LIPC: variants seen among roughly 807,000 people sequenced by gnomAD.
LIPC encodes the protein hepatic triacylglycerol lipase.
A neutral mutation model predicts 50.7 loss-of-function variants in LIPC; 44 were observed. That is an observed-to-expected ratio of 0.87 (90% CI 0.68 to 1.11). The LOEUF (loss-of-function observed/expected upper bound fraction) is 1.11. Among genes scored for constraint, LIPC ranks in the 50% most tolerant of loss-of-function variants. LIPC has a pLI of 0.00. For missense variants in LIPC, 697 were observed against 648.2 expected (o/e 1.08, Z -0.82); for synonymous variants, 271 against 256.4 (o/e 1.06, Z -0.54).
chr15:58,460,335 G>T (rs1313067139), intron 1 of LIPC, among the ~76,000 whole-genome samples: 1 of 152,244 alleles, frequency 6.6e-6, no homozygotes, highest in Non-Finnish European at 1.5e-5. Context: ...CATGGTGAGA[G>T]GAAAGGCTGG....
At position 58,563,264 on chromosome 15, in the gene LIPC, GC is replaced by G. The variant is rs145482805; in HGVS notation, c.1170-239del. Among the ~76,000 whole-genome samples the G allele has an allele frequency of 0.011, 1,697 of 152,286 alleles. 34 individuals carry two copies. Among genetic ancestry groups the G allele is most frequent in the African/African-American group, 0.039 (1,616 of 41,544 alleles). On this transcript the variant is annotated intron_variant, in intron 7 of 8. Coordinates refer to ENST00000299022, the MANE Select transcript of LIPC (RefSeq NM_000236.3). ...ATTTGTTATAGTGGGACTTCTCGGA[GC>G]CTTTTTGATGTGTTAACCAGAAAAT...
intron 1 of LIPC, among the ~76,000 whole-genome samples, chr15:58,526,491 C>T (rs1479755494): frequency 6.6e-6 from 1 of 152,192 alleles, no homozygotes; most frequent in African/African-American, 2.4e-5. Context: ...CAGTAGATTT[C>T]TCTTGCCCAG....
chr15:58,530,214 G>C (rs1366552658), intron 1 of LIPC, among the ~76,000 whole-genome samples: 6 of 152,218 alleles, frequency 3.9e-5, no homozygotes, highest in Non-Finnish European at 5.9e-5. Context: ...CCTCCACAGG[G>C]TAGTCCCCAG....
chr15:58,483,844 G>A (rs1462463871), intron 1 of LIPC, among the ~76,000 whole-genome samples: 2 of 152,004 alleles, frequency 1.3e-5, no homozygotes, highest in Admixed American at 6.6e-5. Flanking sequence ...TTATTCTCTG[G>A]GAGATTTGAC....
chr15:58,538,240 G>A (rs1226429523), intron 1 of LIPC, 93 bp from the exon 2 acceptor site: 20 of 1,209,402 alleles, frequency 1.7e-5, no homozygotes, highest in Non-Finnish European at 2.1e-5. Flanking sequence ...TAACCTCTTT[G>A]GCTTGTGCTT....
At chr15:58,490,455 C>G (rs1891548296) in intron 1 of LIPC, among the ~76,000 whole-genome samples, 1 of 152,156 alleles carries the variant, frequency 6.6e-6, no homozygotes, top group Non-Finnish European at 1.5e-5. Flanking sequence ...ACGGCATCAC[C>G]AACATTTGGC....
chr15:58,522,168 C>G (rs1968682), intron 1 of LIPC: 94,750 of 152,224 alleles, frequency 0.62, 31,479 homozygotes, highest in East Asian at 0.76. Context: ...GTGAGGATCC[C>G]TTCTCTTTGA....
At chr15:58,459,437 T>C (rs1894258752) in intron 1 of LIPC, among the ~76,000 whole-genome samples, 1 of 149,500 alleles carries the variant, frequency 6.7e-6, no homozygotes, top group Admixed American at 6.8e-5. Context: ...GAGCTCACAA[T>C]AAATAAATAA....
intron 1 of LIPC, among the ~76,000 whole-genome samples, chr15:58,439,161 T>C (rs1893417810): frequency 6.6e-6 from 1 of 152,168 alleles, no homozygotes; most frequent in Non-Finnish European, 1.5e-5. Context: ...CAGGCCTCAT[T>C]GTGTGTGTCC....
intron 1 of LIPC, among the ~76,000 whole-genome samples, chr15:58,456,857 T>C (rs1476963447): frequency 1.3e-5 from 2 of 152,246 alleles, no homozygotes; most frequent in African/African-American, 4.8e-5. Context: ...TACTTTACCA[T>C]GCGTAGAATG....
intron 1 of LIPC, among the ~76,000 whole-genome samples, chr15:58,466,315 T>C (rs1294018894): frequency 1.3e-5 from 2 of 152,088 alleles, no homozygotes; most frequent in African/African-American, 4.8e-5. Flanking sequence ...TTCTGGAAAT[T>C]CCCCCACACT....
Position 58,568,763 on chromosome 15 carries a change from C to G in LIPC, c.1436C>G (p.Thr479Ser), listed in dbSNP as rs1214184027. ...ENTDDLLLRP[T>S]QEKIFVKCEI... ...ACAGATGACCTACTACTTCGCCCAACCCAGGAAAAAATCTTCGTGAAATGT... is the reference window on the plus strand; with the variant it reads ...ACAGATGACCTACTACTTCGCCCAAGCCAGGAAAAAATCTTCGTGAAATGT... Residue 479 changes from threonine to serine, a missense_variant, in exon 9 of 9, where the codon ACC becomes AGC. Coordinates refer to ENST00000299022, the MANE Select transcript of LIPC (RefSeq NM_000236.3). 3 of 1,612,138 alleles carry G rather than the reference C, an allele frequency of 1.9e-6. No individual in the cohort carries two copies. Among genetic ancestry groups the G allele is most frequent in the Non-Finnish European group, 2.5e-6 (3 of 1,178,800 alleles).
chr15:58,563,846 A>G, intron 8 of LIPC, 123 bp downstream of exon 8: 1 of 838,716 alleles, frequency 1.2e-6, no homozygotes, highest in Non-Finnish European at 2.0e-6. Flanking sequence ...GTGATGGAGT[A>G]CAGAAGCTCA....
intron 1 of LIPC, among the ~76,000 whole-genome samples, chr15:58,489,228 G>T (rs1487605528): frequency 2.9e-5 from 3 of 103,464 alleles, no homozygotes; most frequent in Non-Finnish European, 4.2e-5. Context: ...GGGGGCGGGG[G>T]GGCGGCTTAC....
chr15:58,494,976 C>T (rs1891717021), intron 1 of LIPC: 1 of 426,558 alleles, frequency 2.3e-6, no homozygotes, highest in Non-Finnish European at 4.7e-6. Flanking sequence ...TGTCATTGAT[C>T]CAACATCAAC....
chr15:58,533,043 A>G (rs770571665), intron 1 of LIPC: 8 of 462,498 alleles, frequency 1.7e-5, no homozygotes, highest in Non-Finnish European at 2.3e-5. Context: ...CTTTTCCTGG[A>G]TACAGGGGCT....
At chr15:58,462,125 C>A (rs1308260615) in intron 1 of LIPC, among the ~76,000 whole-genome samples, 1 of 152,210 alleles carries the variant, frequency 6.6e-6, no homozygotes, top group Non-Finnish European at 1.5e-5. Flanking sequence ...TTTCCTGTTT[C>A]TTGCATGCAT....
chr15:58,533,014 C>T, intron 1 of LIPC: 2 of 218,050 alleles, frequency 9.2e-6, no homozygotes, highest in Non-Finnish European at 1.6e-5. Context: ...AACCCCAAGC[C>T]TCCCTAGTCC....
intron 1 of LIPC, among the ~76,000 whole-genome samples, chr15:58,504,062 G>T (rs1187208269): frequency 6.6e-6 from 1 of 152,188 alleles, no homozygotes; most frequent in East Asian, 1.9e-4. Context: ...TTCTCAGAAA[G>T]CCCTGTATAC....
Sources: gnomAD v4.1 joint callset for allele counts (sites outside exome capture counted in the v4.1 genomes callset) on GRCh38, gnomAD v4.1.1 for gene constraint, MANE v1.5 for transcripts, NCBI Gene and HGNC (gene_info 2026-07-23, HGNC 2026-07-21) for gene names.